Variants in STRN4 observed in about 807,000 individuals in gnomAD.
STRN4 encodes the protein striatin 4.
A neutral mutation model predicts 77.9 loss-of-function variants in STRN4; 27 were observed. The ratio of observed to expected loss-of-function variants is 0.35; its 90% confidence interval spans 0.26 to 0.48. The LOEUF is 0.48. Ranked by LOEUF, STRN4 falls within the 20% of genes least tolerant of loss-of-function variation. The pLI, the probability that STRN4 is intolerant of heterozygous loss-of-function variation, is 0.99. For synonymous variants in STRN4, 466 were observed against 443.1 expected (o/e 1.05, Z -0.65); for missense variants, 798 against 1,049.7 (o/e 0.76, Z 3.31).
intron 1 of STRN4, among the ~76,000 whole-genome samples, chr19:46,743,629 G>A (rs2054513474): frequency 6.6e-6 from 1 of 152,190 alleles, no homozygotes; most frequent in South Asian, 2.1e-4. Flanking sequence ...GTCGGGCATG[G>A]TGGCTTATGC....
rs766253705 is a variant in STRN4, at chr19:46,738,452, A to C, written c.387-215T>G. On this transcript the variant is annotated intron_variant, in intron 2 of 17. Coordinates refer to ENST00000263280, the MANE Select transcript of STRN4 (RefSeq NM_013403.3). The surrounding 1 kb of genome is among the most constrained non-coding windows in gnomAD (Gnocchi z 4.5). ...GGTTGCTCTCAGGGGTCCTTGAGGA[A>C]ACCATCAGCCCTTGAAACCCCAGTT... Among the ~76,000 whole-genome samples the C allele has an allele frequency of 1.8e-4, 27 of 152,126 alleles. No individual in the cohort carries two copies. Among genetic ancestry groups the C allele is most frequent in the Non-Finnish European group, 8.8e-5 (6 of 68,018 alleles).
intron 1 of STRN4, among the ~76,000 whole-genome samples, chr19:46,743,143 T>A (rs1322107986): frequency 1.3e-5 from 2 of 152,148 alleles, no homozygotes; most frequent in African/African-American, 2.4e-5. Flanking sequence ...CAGTAGTTCA[T>A]CTATTACATA....
chr19:46,728,563 C>G (rs917011044), intron 7 of STRN4, 55 bp downstream of exon 7: 3 of 1,582,094 alleles, frequency 1.9e-6, no homozygotes, highest in African/African-American at 2.7e-5. Context: ...TGAGCCTGCT[C>G]CCACCCCCTC....
At chr19:46,726,614 G>A (rs998283593) in intron 9 of STRN4, among the ~76,000 whole-genome samples, 4 of 152,194 alleles carry the variant, frequency 2.6e-5, no homozygotes, top group Non-Finnish European at 5.9e-5. Flanking sequence ...GAGCTGTGGG[G>A]GCCTCTGTCC....
At position 46,724,874 on chromosome 19, in the gene STRN4, G is replaced by A. The variant is rs948469314; in HGVS notation, c.1527C>T (p.Gly509=). ...AACTATGGATGCAGGCATCTGCCCC[G>A]CCACTGTAGCAGTATTCACTGTTGC... The part of the protein sequence containing the change: ...MGSNSEYCYS[G]GADACIHSWK... Residue 509 remains glycine (G), a synonymous_variant, in exon 12 of 18, where the codon GGC becomes GGT. Transcript: ENST00000263280. 3.7e-5 allele frequency: 59 copies of A among 1,613,870 alleles called. No individual in the cohort carries two copies. Among genetic ancestry groups the A allele is most frequent in the Middle Eastern group, 1.6e-4 (1 of 6,084 alleles).
Position 46,723,358 on chromosome 19 carries a change from CTCT to C in STRN4, c.1595-77_1595-75del. The C allele has an allele frequency of 6.8e-7, 1 of 1,465,690 alleles. No homozygotes were observed. The highest frequency in any genetic ancestry group is 9.0e-7 in the Non-Finnish European group (1 of 1,107,120). The allele number at this position is 1,465,690 out of a possible 1,614,324, so 90.8% of individuals were successfully genotyped here. On this transcript the variant is annotated intron_variant, in intron 12 of 17. Transcript: ENST00000263280. The surrounding 1 kb of genome is among the most constrained non-coding windows in gnomAD (Gnocchi z 5.5). Reference sequence around the variant, plus strand: ...CTCCCTGGACAGCCCAGAGCCCCAGCTCTGCCAAGCCCCAGGCAGCTGGGCTCC... The same window carrying C: ...CTCCCTGGACAGCCCAGAGCCCCAGCGCCAAGCCCCAGGCAGCTGGGCTCC...
At chr19:46,736,635 C>T (rs1427054479) in intron 4 of STRN4, among the ~76,000 whole-genome samples, 188 bp downstream of exon 4, 10 of 150,984 alleles carry the variant, frequency 6.6e-5, no homozygotes, top group South Asian at 6.3e-4. Context: ...CCTCCTGCAG[C>T]GGGTTTCCCT....
At chr19:46,728,549 C>T in intron 7 of STRN4, 69 bp downstream of exon 7, 1 of 1,548,442 alleles carries the variant, frequency 6.5e-7, no homozygotes, top group Non-Finnish European at 8.7e-7. Context: ...CAGCTGCGGG[C>T]AGCTGAGCCT....
intron 1 of STRN4, 56 bp downstream of exon 1, chr19:46,746,093 G>GGGGCC: frequency 7.6e-7 from 1 of 1,307,370 alleles, no homozygotes; most frequent in Non-Finnish European, 9.9e-7. Context: ...GGCAGCGGGT[G>GGGGCC]AGGCCGGGCC....
Position 46,744,732 on chromosome 19 carries a change from T to C in STRN4, c.282+1417A>G, listed in dbSNP as rs1032061828. ...GCTATTTATTTGGGTACCAGCTTCCTACTAGATAGCAAACGGCAAATCGGA... is the reference window on the plus strand; with the variant it reads ...GCTATTTATTTGGGTACCAGCTTCCCACTAGATAGCAAACGGCAAATCGGA... On this transcript the variant is annotated intron_variant, in intron 1 of 17. Coordinates refer to ENST00000263280, the MANE Select transcript of STRN4 (RefSeq NM_013403.3). Among the ~76,000 whole-genome samples the C allele has an allele frequency of 2.0e-5, 3 of 151,902 alleles. No individual in the cohort carries two copies. The East Asian group carries it at 5.8e-4, about 29-fold the overall frequency.
rs528686711 is a variant in STRN4 at position 46,738,054 on chromosome 19, C to T, written c.460+110G>A. ...CCCCTCCCCAGCCCCGGGGCCGATTCTGCCTTCTAAGGAGCAAAGTGAGAA... is the reference window on the plus strand; with the variant it reads ...CCCCTCCCCAGCCCCGGGGCCGATTTTGCCTTCTAAGGAGCAAAGTGAGAA... On this transcript the variant is annotated intron_variant, in intron 3 of 17. Coordinates refer to ENST00000263280, the MANE Select transcript of STRN4 (RefSeq NM_013403.3). The surrounding 1 kb of genome is among the most constrained non-coding windows in gnomAD (Gnocchi z 4.5). The T allele has an allele frequency of 8.6e-7, 1 of 1,164,860 alleles. No homozygotes were observed. Among genetic ancestry groups the T allele is most frequent in the East Asian group, 2.4e-5 (1 of 42,528 alleles). 72.2% of individuals were successfully genotyped at this position (1,164,860 alleles called of 1,614,324 possible). A position where few individuals can be genotyped will look rare whatever the true frequency, so the allele number is the denominator to read the frequency against.
rs549599616 is a variant in STRN4 at position 46,724,489 on chromosome 19, G to A, written c.1594+318C>T. Among the ~76,000 whole-genome samples, 334 of 152,344 alleles carry A rather than the reference G, an allele frequency of 2.2e-3. 1 individual carries two copies. Among genetic ancestry groups the A allele is most frequent in the African/African-American group, 7.4e-3 (306 of 41,574 alleles). On this transcript the variant is annotated intron_variant, in intron 12 of 17. Transcript: ENST00000263280. ...AGAGTACACGGCATGGCAGAGCAGAGGCTGCCAGGGCCAGCCACGCCTGTG... is the reference window on the plus strand; with the variant it reads ...AGAGTACACGGCATGGCAGAGCAGAAGCTGCCAGGGCCAGCCACGCCTGTG...
intron 15 of STRN4, 84 bp from the exon 16 acceptor site, chr19:46,722,156 CA>C: frequency 1.3e-6 from 2 of 1,596,680 alleles, no homozygotes; most frequent in Non-Finnish European, 1.7e-6. Context: ...GAGAGACTCC[CA>C]GAGCCTCCCA....
chr19:46,740,986 A>AG (rs2054463972), intron 1 of STRN4, among the ~76,000 whole-genome samples: 1 of 152,236 alleles, frequency 6.6e-6, no homozygotes, highest in Non-Finnish European at 1.5e-5. Flanking sequence ...AAAAAAGGCC[A>AG]GGATGGCTGC....
chr19:46,735,280 T>C (rs1242042526), intron 4 of STRN4, among the ~76,000 whole-genome samples: 1 of 152,078 alleles, frequency 6.6e-6, no homozygotes, highest in African/African-American at 2.4e-5. Context: ...CACTCCACTC[T>C]GGGTGAAAGA....
At chr19:46,731,802 C>T (rs1283663701) in intron 5 of STRN4, 1 of 152,586 alleles carries the variant, frequency 6.6e-6, no homozygotes, top group African/African-American at 2.4e-5. Flanking sequence ...TGGGAGAGCA[C>T]CCGGGCAGTC....
intron 1 of STRN4, among the ~76,000 whole-genome samples, chr19:46,743,474 A>G (rs1183143777): frequency 1.3e-5 from 2 of 152,208 alleles, no homozygotes; most frequent in African/African-American, 2.4e-5. Context: ...ACTGGTGCAA[A>G]GTCCCAGAGG....
At chr19:46,721,525 C>G (rs1379442895) in intron 16 of STRN4, 1 of 194,508 alleles carries the variant, frequency 5.1e-6, no homozygotes, top group Non-Finnish European at 1.1e-5. Context: ...ACCCTTCACC[C>G]CCACAGCGAC....
rs528081609 is a variant in STRN4, at chr19:46,722,460, C to G, written c.1907-120G>C. The stretch of plus-strand genomic sequence containing the variant: ...GCCTCTGCCTGGATGTCGAGGGGGG[C>G]TGGGCGAGGGCACTCCGGTCCCCGA... On this transcript the variant is annotated intron_variant, in intron 14 of 17. Transcript: ENST00000263280. The G allele has an allele frequency of 2.7e-6, 3 of 1,100,220 alleles. No individual in the cohort carries two copies. The Admixed American group carries it at 6.0e-5, about 22-fold the overall frequency. 68.2% of individuals were successfully genotyped at this position (1,100,220 alleles called of 1,614,324 possible). A position where few individuals can be genotyped will look rare whatever the true frequency, so the allele number is the denominator to read the frequency against.
Sources: gnomAD v4.1 joint callset for allele counts (sites outside exome capture counted in the v4.1 genomes callset) on GRCh38, gnomAD v4.1.1 for gene constraint, Gnocchi (gnomAD v3.1) non-coding constraint, MANE v1.5 for transcripts, NCBI Gene and HGNC (gene_info 2026-07-23, HGNC 2026-07-21) for gene names.